AKAP11: variants seen among roughly 807,000 people sequenced by gnomAD.
The protein encoded by AKAP11 is A-kinase anchor protein 11.
AKAP11 carries 36 observed loss-of-function variants against 146.1 expected under a neutral mutation model. The observed-to-expected ratio is 0.25, with a 90% CI of 0.19 to 0.33. AKAP11 has a LOEUF of 0.33. Ranked by LOEUF, AKAP11 falls within the 10% of genes least tolerant of loss-of-function variation. The probability of loss-of-function intolerance (pLI) is 1.00; values close to 1 mark genes in which losing one functional copy is unlikely to be tolerated. For synonymous variants in AKAP11, 780 were observed against 786.5 expected, an observed-to-expected ratio of 0.99 and a Z score of 0.14; for missense variants, 2,201 against 2,197.0, an observed-to-expected ratio of 1.00 and a Z score of -0.04.
chr13:42,314,024 G>A (rs1474834404), intron 11 of AKAP11, 84 bp downstream of exon 11: 3 of 1,360,132 alleles, frequency 2.2e-6, no homozygotes, highest in Non-Finnish European at 3.1e-6. Flanking sequence ...TCATCAGATA[G>A]GCTCTAGGTT....
chr13:42,295,281 G>GA (rs1428300234), intron 4 of AKAP11, among the ~76,000 whole-genome samples: 8 of 152,156 alleles, frequency 5.3e-5, no homozygotes, highest in African/African-American at 1.9e-4. Context: ...GTGTGTAAGT[G>GA]AAAATGGTAG....
Position 42,277,070 on chromosome 13 carries a change from T to C in AKAP11, c.-100+4842T>C, listed in dbSNP as rs116273344. On this transcript the variant is annotated intron_variant, in intron 1 of 12. Transcript: ENST00000025301. The stretch of plus-strand genomic sequence containing the variant: ...TTTAGTTTTTTGTTGTTGCATTTTT[T>C]TGTAGGTATTCAATTACATAGCATT... Among the ~76,000 whole-genome samples the C allele has an allele frequency of 7.0e-4, 107 of 152,364 alleles. 1 individual carries two copies. In the South Asian group the frequency reaches 0.012, roughly 17 times the overall value.
chr13:42,303,459 C>A lies in AKAP11; in HGVS notation c.4713C>A (p.Asp1571Glu), dbSNP rs1052976441. ...FRVSETTKSA[D>E]RVTYAEKLSP... Reference sequence around the variant, plus strand: ...TGTCTGAGACCACAAAATCAGCAGACAGGGTCACTTATGCAGAAAAGTTGT... The same window carrying A: ...TGTCTGAGACCACAAAATCAGCAGAAAGGGTCACTTATGCAGAAAAGTTGT... The change falls in exon 8 of 13, where the codon GAC (aspartate) becomes GAA (glutamate). Residue 1571 changes from aspartate (D) to glutamate (E), a missense_variant. Asp to Glu is a conservative substitution (Grantham distance 45). Coordinates refer to ENST00000025301, the MANE Select transcript of AKAP11 (RefSeq NM_016248.4). 3 of 1,614,196 alleles carry A rather than the reference C, an allele frequency of 1.9e-6. No homozygotes were observed. The highest frequency in any genetic ancestry group is 3.3e-5 in the Admixed American group (2 of 60,030).
rs780643803 is a variant in AKAP11 at position 42,300,213 on chromosome 13, A to G, written c.1467A>G (p.Glu489=). 1 of 1,614,032 alleles carries G rather than the reference A, an allele frequency of 6.2e-7. No homozygotes were observed. The highest frequency in any genetic ancestry group is 8.5e-7 in the Non-Finnish European group (1 of 1,179,916). ...ENHDSVYYTY[E]DYAKSISCEV... Reference sequence around the variant, plus strand: ...ATGATTCTGTTTATTACACCTATGAAGACTATGCAAAAAGCATTTCATGTG... The same window carrying G: ...ATGATTCTGTTTATTACACCTATGAGGACTATGCAAAAAGCATTTCATGTG... Residue 489 remains glutamate (E), a synonymous_variant, in exon 8 of 13, where the codon GAA becomes GAG. Transcript: ENST00000025301.
Position 42,302,088 on chromosome 13 carries a change from A to G in AKAP11, c.3342A>G (p.Glu1114=), listed in dbSNP as rs1424893310. 4 of 1,614,056 alleles carry G rather than the reference A, an allele frequency of 2.5e-6. No individual in the cohort carries two copies. Among genetic ancestry groups the G allele is most frequent in the Non-Finnish European group, 1.7e-6 (2 of 1,180,028 alleles). ...TAGTACCATCCCGGGCTAGTTCTGA[A>G]TGGGATATCAAGAAGTTAACTAAAA... is the stretch of plus-strand genomic sequence containing the variant. ...TPLVPSRASS[E]WDIKKLTKKL... The change falls in exon 8 of 13, where the codon GAA becomes GAG. Residue 1114 remains glutamate, a synonymous_variant. Coordinates refer to ENST00000025301, the MANE Select transcript of AKAP11 (RefSeq NM_016248.4).
At chr13:42,304,110 A>G (rs1960126894) in intron 8 of AKAP11, among the ~76,000 whole-genome samples, 1 of 152,196 alleles carries the variant, frequency 6.6e-6, no homozygotes, top group African/African-American at 2.4e-5. Flanking sequence ...GGAGAAAATA[A>G]TCACCTTATC....
At chr13:42,286,424 T>TC (rs1959166872) in intron 3 of AKAP11, 25 bp downstream of exon 3, 1 of 1,546,426 alleles carries the variant, frequency 6.5e-7, no homozygotes, top group African/African-American at 1.4e-5. Flanking sequence ...TTAGGTTTCT[T>TC]TTAGTGAAAG....
intron 1 of AKAP11, among the ~76,000 whole-genome samples, chr13:42,281,464 C>G (rs1959057152): frequency 6.6e-6 from 1 of 152,128 alleles, no homozygotes; most frequent in African/African-American, 2.4e-5. Context: ...AGGCGCTTCA[C>G]AGACTGGCAT....
chr13:42,297,572 T>C (rs1959592592), intron 6 of AKAP11, among the ~76,000 whole-genome samples: 1 of 151,992 alleles, frequency 6.6e-6, no homozygotes, highest in African/African-American at 2.4e-5. Flanking sequence ...TGTACTTCAG[T>C]TCATTTTCTG....
rs1959556334 is a variant in AKAP11, at chr13:42,297,060, G to C, written c.229G>C (p.Val77Leu). Residue 77 changes from valine to leucine, a missense_variant, in exon 6 of 13, where the codon GTT becomes CTT. Physicochemically the swap from Val to Leu is conservative, Grantham distance 32. Transcript: ENST00000025301. ...DAAHIQDLAA[V>L]SLELPDILNS... is the part of the protein sequence containing the mutation. The stretch of plus-strand genomic sequence containing the variant: ...TATTTTAAATCAGGATTTAGCTGCA[G>C]TTTCTTTGGAACTTCCAGATATTCT... The C allele has an allele frequency of 1.3e-6, 2 of 1,590,238 alleles. No homozygotes were observed. The highest frequency in any genetic ancestry group is 1.7e-6 in the Non-Finnish European group (2 of 1,171,052).
chr13:42,303,089 G>A lies in AKAP11; in HGVS notation c.4343G>A (p.Arg1448Lys), dbSNP rs747897728. The stretch of plus-strand genomic sequence containing the variant: ...TGTGAAAGGACCCTGGATCCATATA[G>A]AAATGAGGTCTCCCAACTGTATAGT... ...QTCERTLDPY[R>K]NEVSQLYSFS... Residue 1448 changes from arginine to lysine, a missense_variant, in exon 8 of 13, where the codon AGA becomes AAA. Arg to Lys is a conservative substitution (Grantham distance 26). Around this residue, in one of 3 missense-constraint regions of AKAP11, gnomAD observed 1,867 missense variants for 1,833.5 expected, o/e 1.02. Coordinates refer to ENST00000025301, the MANE Select transcript of AKAP11 (RefSeq NM_016248.4). 1.2e-6 allele frequency: 2 copies of A among 1,613,830 alleles called. No homozygotes were observed. The highest frequency in any genetic ancestry group is 1.7e-6 in the Non-Finnish European group (2 of 1,179,980).
intron 11 of AKAP11, 53 bp downstream of exon 11, chr13:42,313,993 T>C: frequency 1.3e-6 from 2 of 1,573,296 alleles, no homozygotes; most frequent in East Asian, 2.2e-5. Context: ...TAAGGTTTCC[T>C]AGAAGAGTCT....
rs1960086946 is a variant in AKAP11, at chr13:42,303,595, C to T, written c.4849C>T (p.Pro1617Ser). Residue 1617 changes from proline (P) to serine (S), a missense_variant, in exon 8 of 13, where the codon CCA becomes TCA. Physicochemically the swap from Pro to Ser is moderately conservative, Grantham distance 74. Around this residue, in one of 3 missense-constraint regions of AKAP11, gnomAD observed 1,867 missense variants for 1,833.5 expected, o/e 1.02. Coordinates refer to ENST00000025301, the MANE Select transcript of AKAP11 (RefSeq NM_016248.4). Reference sequence around the variant, plus strand: ...ACAGGGTTCTCTCGCCAGTAGTAAGCCAGCTTCTAATCCAAAATTTAGCAG... The same window carrying T: ...ACAGGGTTCTCTCGCCAGTAGTAAGTCAGCTTCTAATCCAAAATTTAGCAG... ...FRQGSLASSK[P>S]ASNPKFSSRY... 2 of 1,614,032 alleles carry T rather than the reference C, an allele frequency of 1.2e-6. No homozygotes were observed. Among genetic ancestry groups the T allele is most frequent in the African/African-American group, 2.7e-5 (2 of 74,892 alleles).
chr13:42,308,645 G>T, intron 9 of AKAP11, 36 bp downstream of exon 9: 2 of 1,542,036 alleles, frequency 1.3e-6, no homozygotes, highest in Non-Finnish European at 1.8e-6. Context: ...TGTAGTTTAG[G>T]TCCTCAGATC....
intron 11 of AKAP11, among the ~76,000 whole-genome samples, chr13:42,315,155 A>G (rs927667539): frequency 1.3e-5 from 2 of 152,182 alleles, no homozygotes; most frequent in Non-Finnish European, 2.9e-5. Flanking sequence ...CTCGAAATTT[A>G]CTTTATGACA....
Position 42,317,682 on chromosome 13 carries a change from T to C in AKAP11, c.5559T>C (p.Phe1853=). 6.2e-7 allele frequency: 1 copy of C among 1,613,750 alleles called. No individual in the cohort carries two copies. The highest frequency in any genetic ancestry group is 1.1e-5 in the South Asian group (1 of 91,002). The change falls in exon 12 of 13, where the codon TTT becomes TTC. Residue 1853 remains phenylalanine, a synonymous_variant. Transcript: ENST00000025301. ...LYFHDSANKE[F]MLLSKQLQEK... Reference sequence around the variant, plus strand: ...TTCATGACTCTGCAAATAAGGAGTTTATGCTAGTAAGTACCTACCTTACAG... The same window carrying C: ...TTCATGACTCTGCAAATAAGGAGTTCATGCTAGTAAGTACCTACCTTACAG...
intron 4 of AKAP11, among the ~76,000 whole-genome samples, chr13:42,294,833 G>A (rs556379272): frequency 2.0e-5 from 3 of 152,310 alleles, no homozygotes; most frequent in East Asian, 3.9e-4. Flanking sequence ...ATCATCCAGA[G>A]TTAATCACTG....
At chr13:42,311,766 CT>C (rs1288151041) in intron 9 of AKAP11, among the ~76,000 whole-genome samples, 2 of 152,048 alleles carry the variant, frequency 1.3e-5, no homozygotes, top group African/African-American at 4.8e-5. Flanking sequence ...TCACAGCTGT[CT>C]GTCCATTCTT....
intron 8 of AKAP11, 71 bp from the exon 9 acceptor site, chr13:42,308,383 T>C (rs961866140): frequency 1.6e-6 from 2 of 1,275,736 alleles, no homozygotes; most frequent in Non-Finnish European, 2.2e-6. Context: ...TGTCATCAAA[T>C]TGATAGTCTT....
Sources: gnomAD v4.1 joint callset for allele counts (sites outside exome capture counted in the v4.1 genomes callset) on GRCh38, gnomAD v4.1.1 for gene constraint, gnomAD v4.1.1 regional missense constraint, MANE v1.5 for transcripts, NCBI Gene and HGNC (gene_info 2026-07-23, HGNC 2026-07-21) for gene names.